RUNX1T1: variants seen among roughly 807,000 people sequenced by gnomAD.
RUNX1T1 encodes RUNX1 partner transcriptional co-repressor 1.
A neutral mutation model predicts 62.8 loss-of-function variants in RUNX1T1; 4 were observed. That is an observed-to-expected ratio of 0.06 (90% CI 0.03 to 0.15). The LOEUF is 0.15. Among genes scored for constraint, RUNX1T1 ranks in the 10% least tolerant of loss-of-function variants. The pLI is 1.00. For synonymous variants in RUNX1T1, 291 were observed against 286.0 expected, an observed-to-expected ratio of 1.02 and a Z score of -0.18; for missense variants, 508 against 754.3, an observed-to-expected ratio of 0.67 and a Z score of 3.82.
At chr8:92,103,185 C>T (rs1025545569), upstream of RUNX1T1, 4 of 346,226 alleles carry the variant, frequency 1.2e-5, no homozygotes, top group African/African-American at 2.1e-5. Context: ...CCCTCCCTCC[C>T]TCCGCTTTTC....
chr8:92,005,002 G>T, intron 5 of RUNX1T1, 114 bp downstream of exon 6: 1 of 884,634 alleles, frequency 1.1e-6, no homozygotes, highest in Non-Finnish European at 1.7e-6. Flanking sequence ...ATGGCTTATT[G>T]CTATTGTGCA....
chr8:92,047,799 C>T (rs910006793), intron 1 of RUNX1T1, among the ~76,000 whole-genome samples: 13 of 151,528 alleles, frequency 8.6e-5, no homozygotes, highest in Admixed American at 4.6e-4. Flanking sequence ...GAGTCCTTAA[C>T]CTCAAACAAT....
chr8:92,055,786 T>C (rs770208163), intron 1 of RUNX1T1, among the ~76,000 whole-genome samples: 2 of 152,258 alleles, frequency 1.3e-5, no homozygotes, highest in Non-Finnish European at 2.9e-5. Flanking sequence ...AAGTGTTTTC[T>C]ATAGACAAAA....
At position 91,995,200 on chromosome 8, in the gene RUNX1T1, A is replaced by G. The variant is rs114576486; in HGVS notation, c.660-3311T>C. On this transcript the variant is annotated intron_variant, in intron 5 of 10. Coordinates refer to ENST00000396218, the Ensembl canonical transcript of RUNX1T1. ...GATCAATGAAGGCAAAAACAACAAC[A>G]CTGGAGTAATTTTAATAATTCTTAA... Among the ~76,000 whole-genome samples, 454 of 152,218 alleles carry G rather than the reference A, an allele frequency of 3.0e-3. 3 individuals are homozygous for G. Among genetic ancestry groups the G allele is most frequent in the African/African-American group, 0.011 (446 of 41,536 alleles).
rs114586201 is a variant in RUNX1T1, at chr8:92,018,469, G to A, written c.8-1106C>T. 2.6e-3 allele frequency among the ~76,000 whole-genome samples: 393 copies of A among 152,158 alleles called. 1 individual carries two copies. The highest frequency in any genetic ancestry group is 7.9e-3 in the African/African-American group (329 of 41,526). ...AATTCTTTCACAAATGTGTAGGCAC[G>A]CACATGAACACACACACACCCAACG... On this transcript the variant is annotated intron_variant, in intron 1 of 10. Coordinates refer to ENST00000396218, the Ensembl canonical transcript of RUNX1T1.
downstream of RUNX1T1, chr8:91,957,474 A>T (rs1809556453): frequency 8.7e-6 from 2 of 230,322 alleles, no homozygotes. Context: ...GAGGAAGAGG[A>T]ATCAGAGATA....
exon 1 of RUNX1T1, chr8:92,062,852 T>A (rs1832293851): frequency 2.1e-5 from 29 of 1,409,096 alleles, no homozygotes; most frequent in Non-Finnish European, 2.6e-5. Flanking sequence ...GTGCAAAGTA[T>A]CACAACCCCT....
chr8:92,008,789 TATAG>T (rs1821376820), intron 4 of RUNX1T1, among the ~76,000 whole-genome samples: 1 of 152,310 alleles, frequency 6.6e-6, no homozygotes, highest in African/African-American at 2.4e-5. Flanking sequence ...GGCTATGTGT[TATAG>T]ATAGATAGCA....
At chr8:92,072,218 A>C (rs1048523248) in intron 2 of RUNX1T1, among the ~76,000 whole-genome samples, 1 of 152,236 alleles carries the variant, frequency 6.6e-6, no homozygotes, top group Non-Finnish European at 1.5e-5. Flanking sequence ...TTGATAGTCC[A>C]GTTTACAAAT....
In RUNX1T1 at chr8:92,003,447, G is replaced by C. The variant is rs28533240; in HGVS notation, c.659+1669C>G. 1.0e-3 allele frequency: 451 copies of C among 451,690 alleles called. 1 individual carries two copies. Among genetic ancestry groups the C allele is most frequent in the African/African-American group, 8.5e-3 (426 of 50,098 alleles). The allele number at this position is 451,690 out of a possible 1,614,324, so 28.0% of individuals were successfully genotyped here. A position where few individuals can be genotyped will look rare whatever the true frequency, so the allele number is the denominator to read the frequency against. On this transcript the variant is annotated intron_variant, in intron 5 of 10. Transcript: ENST00000396218. ...CCTGTTATGGTTATTTAGCAGTTCA[G>C]AATGCCAGAGTAAGTTGTGTCCATT...
At position 91,978,408 on chromosome 8, in the gene RUNX1T1, CTCAT is replaced by C. The variant is rs928221989; in HGVS notation, c.1199-2439_1199-2436del. The stretch of plus-strand genomic sequence containing the variant: ...CCATTATCTGGTACTTGCTATTATC[CTCAT>C]TATTATCATTATTATTACTTACTAT... On this transcript the variant is annotated intron_variant, in intron 8 of 10. Coordinates refer to ENST00000396218, the Ensembl canonical transcript of RUNX1T1. 2.4e-4 allele frequency among the ~76,000 whole-genome samples: 37 copies of C among 152,224 alleles called. No homozygotes were observed. In the South Asian group the frequency reaches 5.0e-3, roughly 21 times the overall value.
At chr8:92,030,201 C>A (rs1825966098) in intron 1 of RUNX1T1, among the ~76,000 whole-genome samples, 2 of 152,146 alleles carry the variant, frequency 1.3e-5, no homozygotes, top group South Asian at 4.1e-4. Flanking sequence ...CCCTATCCTA[C>A]CCACTGTATT....
intron 1 of RUNX1T1, among the ~76,000 whole-genome samples, chr8:92,034,563 A>G (rs561808524): frequency 2.6e-5 from 4 of 152,214 alleles, no homozygotes; most frequent in African/African-American, 7.2e-5. Context: ...TCTTATATCA[A>G]AAAGATACCT....
chr8:92,016,688 A>C (rs1246278845), intron 2 of RUNX1T1, among the ~76,000 whole-genome samples: 1 of 152,000 alleles, frequency 6.6e-6, no homozygotes, highest in Admixed American at 6.6e-5. Context: ...CCTCCACCCA[A>C]AAAAAAGGGC....
At chr8:92,013,151 G>A (rs1822310521) in intron 3 of RUNX1T1, among the ~76,000 whole-genome samples, 2 of 152,056 alleles carry the variant, frequency 1.3e-5, no homozygotes, top group Admixed American at 6.6e-5. Context: ...TGGTTCCTTG[G>A]TCTAACTTAT....
chr8:92,091,222 T>C (rs1836951657), intron 1 of RUNX1T1, among the ~76,000 whole-genome samples: 1 of 152,242 alleles, frequency 6.6e-6, no homozygotes, highest in South Asian at 2.1e-4. Context: ...TGATTTGCTT[T>C]AGAGGCCTTG....
chr8:91,986,365 C>A (rs760894292), intron 7 of RUNX1T1, 40 bp from the exon 9 acceptor site: 5 of 1,485,634 alleles, frequency 3.4e-6, no homozygotes, highest in Non-Finnish European at 4.7e-6. Context: ...GCATATAAAT[C>A]ATCACAATTA....
chr8:92,056,320 AGAC>A (rs1282076649), intron 1 of RUNX1T1, among the ~76,000 whole-genome samples: 2 of 152,216 alleles, frequency 1.3e-5, no homozygotes, highest in East Asian at 3.9e-4. Context: ...CACATGATAA[AGAC>A]ACCCTCCTAC....
At chr8:92,092,788 T>A (rs1837234475) in intron 1 of RUNX1T1, among the ~76,000 whole-genome samples, 1 of 152,212 alleles carries the variant, frequency 6.6e-6, no homozygotes, top group East Asian at 1.9e-4. Context: ...ATTTATCTGC[T>A]GAGGATAAAA....
Sources: allele counts gnomAD v4.1 joint callset (sites outside exome capture counted in the v4.1 genomes callset), GRCh38; gene constraint gnomAD v4.1.1; transcripts MANE v1.5; gene names NCBI Gene and HGNC (gene_info 2026-07-23, HGNC 2026-07-21).